MAGI2: variants seen among roughly 807,000 people sequenced by gnomAD.
The protein encoded by MAGI2 is membrane associated guanylate kinase, WW and PDZ domain containing 2.
Under a neutral mutation model 133.3 loss-of-function variants are expected in MAGI2, and 35 were observed. That is an observed-to-expected ratio of 0.26 (90% confidence interval 0.20 to 0.35). The LOEUF is 0.35. Among genes scored for constraint, MAGI2 ranks in the 10% least tolerant of loss-of-function variants. The probability of loss-of-function intolerance (pLI) is 1.00; values close to 1 mark genes in which losing one functional copy is unlikely to be tolerated. For synonymous variants in MAGI2, 729 were observed against 710.6 expected, an observed-to-expected ratio of 1.03 and a Z score of -0.41; for missense variants, 1,636 against 1,863.4, an observed-to-expected ratio of 0.88 and a Z score of 2.25.
chr7:78,498,072 ATTTAC>A (rs1794287477), intron 5 of MAGI2, among the ~76,000 whole-genome samples: 1 of 151,964 alleles, frequency 6.6e-6, no homozygotes, highest in Admixed American at 6.6e-5. Flanking sequence ...TTATTTATTT[ATTTAC>A]TTAATTGATA....
At chr7:78,416,047 G>T (rs2151388498) in intron 6 of MAGI2, among the ~76,000 whole-genome samples, 1 of 152,240 alleles carries the variant, frequency 6.6e-6, no homozygotes, top group East Asian at 1.9e-4. Flanking sequence ...TTGGGTAAAA[G>T]TGAGCATGGA....
intron 2 of MAGI2, among the ~76,000 whole-genome samples, chr7:78,666,099 AC>A (rs1015263659): frequency 5.9e-5 from 9 of 152,094 alleles, no homozygotes; most frequent in Non-Finnish European, 1.0e-4. Flanking sequence ...TGCTTATGTA[AC>A]TTTTGCTATC....
At position 78,520,152 on chromosome 7, in the gene MAGI2, T is replaced by C. The variant is rs971921445; in HGVS notation, c.754+1278A>G. ...CCATTAATATATTTTAACTCACATATATTAAGGGAGGAGGTTGTCCTCCTC... is the reference window on the plus strand; with the variant it reads ...CCATTAATATATTTTAACTCACATACATTAAGGGAGGAGGTTGTCCTCCTC... On this transcript the variant is annotated intron_variant, in intron 4 of 21. Transcript: ENST00000354212. Among the ~76,000 whole-genome samples, 3 of 152,272 alleles carry C rather than the reference T, an allele frequency of 2.0e-5. No homozygotes were observed. In the South Asian group the frequency reaches 6.2e-4, roughly 32 times the overall value.
At chr7:79,167,897 C>T (rs1020523842) in intron 1 of MAGI2, among the ~76,000 whole-genome samples, 9 of 152,062 alleles carry the variant, frequency 5.9e-5, no homozygotes, top group South Asian at 2.1e-4. Context: ...GTGGGTTTAA[C>T]GGAATGAGGG....
chr7:78,213,758 C>A (rs988211544), intron 10 of MAGI2, among the ~76,000 whole-genome samples: 1 of 152,246 alleles, frequency 6.6e-6, no homozygotes, highest in East Asian at 1.9e-4. Context: ...CTTTGTCGAT[C>A]ATGCGACAGT....
intron 1 of MAGI2, among the ~76,000 whole-genome samples, chr7:79,268,841 C>T (rs1310203832): frequency 6.6e-6 from 1 of 152,096 alleles, no homozygotes; most frequent in Non-Finnish European, 1.5e-5. Flanking sequence ...TGGCCTCTGC[C>T]TCAACACCGT....
chr7:78,920,554 T>G (rs1447454355), intron 2 of MAGI2, among the ~76,000 whole-genome samples: 1 of 152,124 alleles, frequency 6.6e-6, no homozygotes, highest in African/African-American at 2.4e-5. Flanking sequence ...TAATAAAAAC[T>G]TAATGAATTA....
chr7:78,328,530 C>CACACACACA (rs10525463), intron 9 of MAGI2, among the ~76,000 whole-genome samples: 28 of 124,780 alleles, frequency 2.2e-4, no homozygotes, highest in African/African-American at 5.5e-4. Flanking sequence ...CACACACACA[C>CACACACACA]CCCTCTCTCT....
chr7:78,198,205 C>T (rs1230671702), intron 11 of MAGI2, among the ~76,000 whole-genome samples: 1 of 152,144 alleles, frequency 6.6e-6, no homozygotes, highest in African/African-American at 2.4e-5. Flanking sequence ...CAGTGGTGTC[C>T]ACACCCAGGC....
chr7:78,561,682 A>C (rs951027409), intron 3 of MAGI2, among the ~76,000 whole-genome samples: 14 of 152,204 alleles, frequency 9.2e-5, no homozygotes, highest in African/African-American at 3.1e-4. Context: ...TTTTGGAATG[A>C]ATGAATGAAG....
intron 6 of MAGI2, among the ~76,000 whole-genome samples, chr7:78,482,581 G>C (rs554259092): frequency 1.3e-5 from 2 of 151,824 alleles, no homozygotes; most frequent in African/African-American, 4.8e-5. Context: ...GCAATAAAAA[G>C]TAGCAAACTA....
chr7:79,383,037 C>T (rs1457958922), intron 1 of MAGI2, among the ~76,000 whole-genome samples: 1 of 151,472 alleles, frequency 6.6e-6, no homozygotes, highest in Admixed American at 6.6e-5. Context: ...GATGACAGGA[C>T]CAAAAGAAGA....
intron 9 of MAGI2, among the ~76,000 whole-genome samples, chr7:78,325,430 G>A (rs923596966): frequency 6.6e-6 from 1 of 152,110 alleles, no homozygotes; most frequent in African/African-American, 2.4e-5. Flanking sequence ...CCTTAATTAG[G>A]TGAAAGTGAT....
At position 79,409,221 on chromosome 7, in the gene MAGI2, A is replaced by G. The variant is rs78891480; in HGVS notation, c.301+43799T>C. Among the ~76,000 whole-genome samples, 17 of 150,712 alleles carry G rather than the reference A, an allele frequency of 1.1e-4. No homozygotes were observed. In the East Asian group the frequency reaches 2.9e-3, roughly 26 times the overall value. ...AACTTAATAGAGGGGCCAAAGAATT[A>G]AAAAAATTTTTTTTCAGAGAATGTC... On this transcript the variant is annotated intron_variant, in intron 1 of 21. Transcript: ENST00000354212.
chr7:78,412,549 C>A (rs1797960950), intron 6 of MAGI2, among the ~76,000 whole-genome samples: 1 of 152,022 alleles, frequency 6.6e-6, no homozygotes. Flanking sequence ...AAGGAAACAA[C>A]ATGACCAGCA....
At chr7:78,563,831 C>T (rs564753486) in intron 3 of MAGI2, among the ~76,000 whole-genome samples, 13 of 152,284 alleles carry the variant, frequency 8.5e-5, no homozygotes, top group South Asian at 6.2e-4. Context: ...CAAAATATTA[C>T]GCACTAACGT....
chr7:78,557,643 G>C (rs973646299), intron 3 of MAGI2, among the ~76,000 whole-genome samples: 1 of 152,126 alleles, frequency 6.6e-6, no homozygotes, highest in Non-Finnish European at 1.5e-5. Flanking sequence ...GCGAAAACTA[G>C]AGGAATGTCA....
At chr7:78,245,863 A>G (rs1023016009) in intron 10 of MAGI2, among the ~76,000 whole-genome samples, 1 of 152,108 alleles carries the variant, frequency 6.6e-6, no homozygotes, top group African/African-American at 2.4e-5. Context: ...TGTGACCCAC[A>G]CGGCTACTGT....
At chr7:79,313,802 CT>C (rs34753875) in intron 1 of MAGI2, among the ~76,000 whole-genome samples, 7,913 of 138,596 alleles carry the variant, frequency 0.057, 562 homozygotes, top group African/African-American at 0.18. Flanking sequence ...ATTTAATTTA[CT>C]TTTTTTTTTT....
Sources: gnomAD v4.1 joint callset for allele counts (sites outside exome capture counted in the v4.1 genomes callset) on GRCh38, gnomAD v4.1.1 for gene constraint, MANE v1.5 for transcripts, NCBI Gene and HGNC (gene_info 2026-07-23, HGNC 2026-07-21) for gene names.